TBC1D32: variants seen among roughly 807,000 people sequenced by gnomAD.
TBC1D32 encodes the protein TBC1 domain family member 32.
TBC1D32 carries 151 observed loss-of-function variants against 170.3 expected under a neutral mutation model. The observed-to-expected ratio is 0.89, with a 90% CI of 0.78 to 1.01. The LOEUF is 1.01. Ranked by LOEUF, TBC1D32 falls within the 50% of genes least tolerant of loss-of-function variation. The pLI is 0.00. For missense variants in TBC1D32, 1,464 were observed against 1,457.1 expected (o/e 1.00, Z -0.08); for synonymous variants, 498 against 488.0 (o/e 1.02, Z -0.27).
At chr6:121,116,296 C>A (rs1192577720) in intron 26 of TBC1D32, among the ~76,000 whole-genome samples, 2 of 151,824 alleles carry the variant, frequency 1.3e-5, no homozygotes, top group Admixed American at 6.6e-5. Flanking sequence ...GAACACCATG[C>A]AAGAAGCTAT....
chr6:121,258,654 C>T (rs1258954689), intron 15 of TBC1D32, among the ~76,000 whole-genome samples: 2 of 152,000 alleles, frequency 1.3e-5, no homozygotes, highest in African/African-American at 4.8e-5. Flanking sequence ...CAAATATGAT[C>T]ATTCATATTT....
rs112033430 is a variant in TBC1D32 at position 121,316,557 on chromosome 6, C to T, written c.495+938G>A. ...ACAATCTTTGTCACGTCCTCCATCA[C>T]ATCAGGTAATCAATTTGACTTGTAA... On this transcript the variant is annotated intron_variant, in intron 3 of 31. Transcript: ENST00000398212. 3.0e-3 allele frequency among the ~76,000 whole-genome samples: 462 copies of T among 152,272 alleles called. 3 individuals carry two copies. The highest frequency in any genetic ancestry group is 0.011 in the African/African-American group (447 of 41,562).
chr6:121,108,788 T>G (rs1778939599), intron 29 of TBC1D32, among the ~76,000 whole-genome samples: 1 of 152,134 alleles, frequency 6.6e-6, no homozygotes, highest in Non-Finnish European at 1.5e-5. Flanking sequence ...AAGACCCCAT[T>G]AGAAAGATTT....
rs1323383540 is a variant in TBC1D32, at chr6:121,308,683, C to CTTTTTT, written c.565-583_565-582insAAAAAA. ...TTTCTGTATTTTCACAGAAAGCTTA[C>CTTTTTT]TTCTTTTTTTTTTTTTTTTTTTTGA... On this transcript the variant is annotated intron_variant, in intron 4 of 31. Coordinates refer to ENST00000398212, the MANE Select transcript of TBC1D32 (RefSeq NM_152730.6). Among the ~76,000 whole-genome samples, 5 of 47,252 alleles carry CTTTTTT rather than the reference C, an allele frequency of 1.1e-4. No individual in the cohort carries two copies. The East Asian group carries it at 3.5e-3, about 33-fold the overall frequency. 31.0% of individuals were successfully genotyped at this position (47,252 alleles called of 152,430 possible).
intron 26 of TBC1D32, among the ~76,000 whole-genome samples, chr6:121,124,624 C>G (rs79495210): frequency 0.087 from 13,194 of 151,974 alleles, 1,205 homozygotes; most frequent in African/African-American, 0.24. Flanking sequence ...CTTTCTAGCC[C>G]TTGTCTTTCT....
intron 24 of TBC1D32, among the ~76,000 whole-genome samples, chr6:121,151,280 G>C (rs1202564157): frequency 6.6e-6 from 1 of 152,158 alleles, no homozygotes; most frequent in African/African-American, 2.4e-5. Flanking sequence ...TGCAGGAGCA[G>C]GTTGTTCAGT....
intron 5 of TBC1D32, among the ~76,000 whole-genome samples, chr6:121,307,337 C>T (rs930953240): frequency 2.0e-5 from 3 of 152,110 alleles, no homozygotes; most frequent in Non-Finnish European, 2.9e-5. Flanking sequence ...GATCATGCCA[C>T]TACACTCTAG....
intron 22 of TBC1D32, among the ~76,000 whole-genome samples, chr6:121,202,365 G>GA (rs35983239): frequency 0.012 from 1,768 of 142,352 alleles, 85 homozygotes; most frequent in African/African-American, 0.045. Flanking sequence ...TTTCACACAG[G>GA]AAAAAAAAAA....
intron 21 of TBC1D32, among the ~76,000 whole-genome samples, chr6:121,215,082 T>C (rs1252797964): frequency 6.6e-6 from 1 of 152,194 alleles, no homozygotes; most frequent in Non-Finnish European, 1.5e-5. Context: ...ATAGCTCCTC[T>C]CCACAGTCAG....
chr6:121,265,367 C>T (rs1476456662), intron 15 of TBC1D32, among the ~76,000 whole-genome samples: 2 of 152,036 alleles, frequency 1.3e-5, no homozygotes, highest in Non-Finnish European at 2.9e-5. Context: ...CGTGAAGGAA[C>T]TCTTCAAAGT....
intron 15 of TBC1D32, among the ~76,000 whole-genome samples, chr6:121,273,191 T>C (rs549629658): frequency 2.0e-5 from 3 of 151,594 alleles, no homozygotes; most frequent in East Asian, 3.9e-4. Context: ...CACACCAACA[T>C]AGCACACGTA....
At chr6:121,150,476 G>A (rs1488099349) in intron 24 of TBC1D32, among the ~76,000 whole-genome samples, 1 of 152,120 alleles carries the variant, frequency 6.6e-6, no homozygotes, top group Non-Finnish European at 1.5e-5. Context: ...TTTTTGTTGT[G>A]TCTCTGCCAG....
chr6:121,084,620 A>G (rs999238464), intron 31 of TBC1D32, among the ~76,000 whole-genome samples: 19 of 152,138 alleles, frequency 1.2e-4, no homozygotes, highest in African/African-American at 4.6e-4. Context: ...TATTTTGAAA[A>G]GAAAGCTATA....
At chr6:121,196,893 C>T (rs1403728664) in intron 22 of TBC1D32, among the ~76,000 whole-genome samples, 2 of 152,132 alleles carry the variant, frequency 1.3e-5, no homozygotes, top group African/African-American at 4.8e-5. Flanking sequence ...GGAGGTAGCA[C>T]CACTCACCAT....
At chr6:121,327,862 C>G (rs989217719) in intron 1 of TBC1D32, among the ~76,000 whole-genome samples, 41 of 152,062 alleles carry the variant, frequency 2.7e-4, no homozygotes, top group Non-Finnish European at 1.0e-4. Flanking sequence ...CTGCACAATG[C>G]TAGTCTGGCC....
chr6:121,235,008 C>T (rs1046732522), intron 20 of TBC1D32, among the ~76,000 whole-genome samples: 14 of 151,216 alleles, frequency 9.3e-5, no homozygotes, highest in Non-Finnish European at 1.6e-4. Flanking sequence ...GCAGAGCTAC[C>T]GGGCTCTGGG....
chr6:121,205,526 A>G (rs1268046081), intron 21 of TBC1D32, among the ~76,000 whole-genome samples: 2 of 152,230 alleles, frequency 1.3e-5, no homozygotes, highest in East Asian at 3.8e-4. Context: ...CCAAAAATGT[A>G]AACTACTTTG....
chr6:121,283,757 A>G, intron 13 of TBC1D32, 61 bp downstream of exon 13: 1 of 1,287,300 alleles, frequency 7.8e-7, no homozygotes, highest in Non-Finnish European at 1.1e-6. Context: ...TCTAGACAAT[A>G]GAATACTTAA....
At chr6:121,110,111 C>T (rs1232584424) in intron 29 of TBC1D32, among the ~76,000 whole-genome samples, 4 of 151,638 alleles carry the variant, frequency 2.6e-5, no homozygotes, top group East Asian at 1.9e-4. Context: ...ATTATCTGGG[C>T]GTGGTGGCAG....
Sources: allele counts gnomAD v4.1 joint callset (sites outside exome capture counted in the v4.1 genomes callset), GRCh38; gene constraint gnomAD v4.1.1; transcripts MANE v1.5; gene names NCBI Gene and HGNC (gene_info 2026-07-23, HGNC 2026-07-21).